The following PTPRD variants were observed in gnomAD, a reference collection of about 807,000 sequenced individuals.
The protein encoded by PTPRD is receptor-type tyrosine-protein phosphatase delta.
A neutral mutation model predicts 214.5 loss-of-function variants in PTPRD; 34 were observed. The ratio of observed to expected loss-of-function variants is 0.16; its 90% CI spans 0.12 to 0.21. The LOEUF is 0.21. PTPRD is among the 10% of genes least tolerant of loss of function. PTPRD has a pLI of 1.00. For synonymous variants in PTPRD, 1,128 were observed against 845.7 expected, an observed-to-expected ratio of 1.33 and a Z score of -5.79; for missense variants, 2,545 against 2,398.7, an observed-to-expected ratio of 1.06 and a Z score of -1.27.
chr9:10,587,320 T>C (rs186804608), intron 2 of PTPRD, among the ~76,000 whole-genome samples: 1 of 152,204 alleles, frequency 6.6e-6, no homozygotes, highest in Non-Finnish European at 1.5e-5. Flanking sequence ...CTGGATAAAA[T>C]TAAATTCATT....
At chr9:10,106,606 A>T (rs2098635417) in intron 3 of PTPRD, among the ~76,000 whole-genome samples, 1 of 151,982 alleles carries the variant, frequency 6.6e-6, no homozygotes, top group African/African-American at 2.4e-5. Flanking sequence ...TTTAAAAGGC[A>T]TTGGGTTATG....
intron 7 of PTPRD, among the ~76,000 whole-genome samples, chr9:9,659,157 C>T (rs1194481093): frequency 6.6e-6 from 1 of 152,008 alleles, no homozygotes; most frequent in Non-Finnish European, 1.5e-5. Flanking sequence ...ACTTGCAATT[C>T]ATTAGTTACA....
intron 2 of PTPRD, among the ~76,000 whole-genome samples, chr9:10,594,202 A>C (rs2076141262): frequency 6.6e-6 from 1 of 151,976 alleles, no homozygotes; most frequent in South Asian, 2.1e-4. Context: ...AGGACACTTT[A>C]CTTCTAGTTT....
chr9:9,349,723 C>T (rs927471233), intron 9 of PTPRD, among the ~76,000 whole-genome samples: 3 of 151,312 alleles, frequency 2.0e-5, no homozygotes, highest in African/African-American at 4.9e-5. Flanking sequence ...TCTATATCAC[C>T]TTGTTTATAC....
chr9:9,051,384 C>A (rs1231539690), intron 10 of PTPRD, among the ~76,000 whole-genome samples: 1 of 152,122 alleles, frequency 6.6e-6, no homozygotes, highest in Non-Finnish European at 1.5e-5. Context: ...TTATGCAGTA[C>A]AACCTATTTA....
At chr9:9,270,161 T>C (rs1009721514) in intron 9 of PTPRD, among the ~76,000 whole-genome samples, 3 of 151,202 alleles carry the variant, frequency 2.0e-5, no homozygotes, top group South Asian at 4.2e-4. Flanking sequence ...TTTCACAAAT[T>C]ATACGTAAAA....
chr9:8,976,897 A>G (rs947962728), intron 11 of PTPRD, among the ~76,000 whole-genome samples: 9 of 152,028 alleles, frequency 5.9e-5, no homozygotes, highest in African/African-American at 2.2e-4. Flanking sequence ...TGATGTTCCT[A>G]TTTTTATCTC....
chr9:8,604,062 T>C (rs2095049584), intron 14 of PTPRD, among the ~76,000 whole-genome samples: 1 of 152,198 alleles, frequency 6.6e-6, no homozygotes, highest in South Asian at 2.1e-4. Flanking sequence ...CACTTCAGCT[T>C]CCAGCATATC....
intron 7 of PTPRD, among the ~76,000 whole-genome samples, chr9:9,631,408 C>CA (rs1199549548): frequency 1.3e-5 from 2 of 152,048 alleles, no homozygotes; most frequent in Non-Finnish European, 2.9e-5. Context: ...CATTCAGCCA[C>CA]AAGTTATTCT....
intron 6 of PTPRD, among the ~76,000 whole-genome samples, chr9:9,757,323 G>C (rs866753147): frequency 6.6e-5 from 10 of 152,168 alleles, no homozygotes; most frequent in African/African-American, 2.4e-4. Flanking sequence ...CATGATAAAA[G>C]ACAAAAGATG....
At chr9:10,430,562 T>A (rs142815510) in intron 2 of PTPRD, among the ~76,000 whole-genome samples, 23 of 152,054 alleles carry the variant, frequency 1.5e-4, no homozygotes, top group Admixed American at 1.4e-3. Flanking sequence ...TTCAACACAA[T>A]GCTAATATTT....
intron 9 of PTPRD, among the ~76,000 whole-genome samples, chr9:9,284,748 T>C (rs1331814492): frequency 2.0e-5 from 3 of 151,816 alleles, no homozygotes; most frequent in African/African-American, 4.8e-5. Flanking sequence ...ACATAGATTC[T>C]TATGTTAGGA....
At chr9:9,005,990 G>C (rs1348107046) in intron 11 of PTPRD, among the ~76,000 whole-genome samples, 1 of 151,956 alleles carries the variant, frequency 6.6e-6, no homozygotes. Flanking sequence ...GCTCCTGTCT[G>C]AATAGCCTGG....
intron 11 of PTPRD, among the ~76,000 whole-genome samples, chr9:8,754,325 G>T (rs12346124): frequency 0.05 from 7,675 of 152,078 alleles, 471 homozygotes; most frequent in African/African-American, 0.15. Context: ...AAAACAAATG[G>T]TAAAGAATTT....
chr9:9,374,238 G>A (rs1187835338), intron 9 of PTPRD, among the ~76,000 whole-genome samples: 1 of 151,896 alleles, frequency 6.6e-6, no homozygotes, highest in African/African-American at 2.4e-5. Context: ...AAGGGGGACA[G>A]GAATAGGAGG....
chr9:10,469,434 G>C (rs2099015719), intron 2 of PTPRD, among the ~76,000 whole-genome samples: 1 of 152,084 alleles, frequency 6.6e-6, no homozygotes, highest in African/African-American at 2.4e-5. Flanking sequence ...ATTATTAGAT[G>C]AAAAGATCAT....
At position 10,307,218 on chromosome 9, in the gene PTPRD, ACCACCAAACATCTC is replaced by A. The variant is rs947510143; in HGVS notation, c.-545+33731_-545+33744del. ...CCAATTAAATAACCTGTTTTCATCC[ACCACCAAACATCTC>A]CACACACACAAATCCTTCCCGGGAT... On this transcript the variant is annotated intron_variant, in intron 3 of 45. Transcript: ENST00000381196. Among the ~76,000 whole-genome samples, 132 of 100,406 alleles carry A rather than the reference ACCACCAAACATCTC, an allele frequency of 1.3e-3. 1 individual carries two copies. The highest frequency in any genetic ancestry group is 4.5e-3 in the African/African-American group (126 of 28,284). The allele number at this position is 100,406 out of a possible 152,430, so 65.9% of individuals were successfully genotyped here.
At position 10,216,625 on chromosome 9, in the gene PTPRD, A is replaced by C. The variant is rs565029034; in HGVS notation, c.-545+124338T>G. 2.0e-5 allele frequency among the ~76,000 whole-genome samples: 3 copies of C among 152,098 alleles called. No homozygotes were observed. The East Asian group carries it at 5.8e-4, about 30-fold the overall frequency. On this transcript the variant is annotated intron_variant, in intron 3 of 45. Coordinates refer to ENST00000381196, the MANE Select transcript of PTPRD (RefSeq NM_002839.4). ...TGCATACAATGATGTTTCTCCTATAAATCCACAAATGTTATAGATGCTTAT... is the reference window on the plus strand; with the variant it reads ...TGCATACAATGATGTTTCTCCTATACATCCACAAATGTTATAGATGCTTAT...
intron 3 of PTPRD, among the ~76,000 whole-genome samples, chr9:10,280,844 G>A (rs1041314672): frequency 2.6e-5 from 4 of 151,822 alleles, no homozygotes; most frequent in African/African-American, 9.7e-5. Context: ...TGAACTCCTG[G>A]GCTCAAGCTG....
Sources: allele counts gnomAD v4.1 joint callset (sites outside exome capture counted in the v4.1 genomes callset), GRCh38; gene constraint gnomAD v4.1.1; transcripts MANE v1.5; gene names NCBI Gene and HGNC (gene_info 2026-07-23, HGNC 2026-07-21).